MARCHF1: variants seen among roughly 807,000 people sequenced by gnomAD.
MARCHF1 encodes E3 ubiquitin-protein ligase MARCHF1.
MARCHF1 carries 40 observed loss-of-function variants against 54.2 expected under a neutral mutation model. That is an observed-to-expected ratio of 0.74 (90% CI 0.57 to 0.96). The LOEUF is 0.96. Among genes scored for constraint, MARCHF1 ranks in the 40% least tolerant of loss-of-function variants. The probability of loss-of-function intolerance (pLI) is 0.00; values close to 1 mark genes in which losing one functional copy is unlikely to be tolerated. For synonymous variants in MARCHF1, 236 were observed against 236.3 expected, an observed-to-expected ratio of 1.00 and a Z score of 0.01; for missense variants, 586 against 656.5, an observed-to-expected ratio of 0.89 and a Z score of 1.17.
At chr4:163,768,604 T>G (rs940242369) in intron 4 of MARCHF1, among the ~76,000 whole-genome samples, 3 of 152,314 alleles carry the variant, frequency 2.0e-5, no homozygotes, top group Admixed American at 6.5e-5. Context: ...TTCTGATTTT[T>G]TTTATTAGGA....
At chr4:163,905,500 T>C (rs2111319731) in intron 3 of MARCHF1, among the ~76,000 whole-genome samples, 1 of 152,220 alleles carries the variant, frequency 6.6e-6, no homozygotes, top group African/African-American at 2.4e-5. Flanking sequence ...TTTTCAAGGA[T>C]ATATATCTTA....
At chr4:164,375,818 A>G (rs1731174702) in intron 1 of MARCHF1, among the ~76,000 whole-genome samples, 1 of 152,130 alleles carries the variant, frequency 6.6e-6, no homozygotes, top group Non-Finnish European at 1.5e-5. Context: ...CAACAGTAGG[A>G]CCTTGAGCAC....
intron 1 of MARCHF1, among the ~76,000 whole-genome samples, chr4:164,371,358 A>G (rs1021389780): frequency 6.6e-6 from 1 of 152,208 alleles, no homozygotes; most frequent in African/African-American, 2.4e-5. Flanking sequence ...TACTACTTAA[A>G]CAAGAAATAC....
intron 7 of MARCHF1, among the ~76,000 whole-genome samples, chr4:163,608,292 A>C (rs1741209862): frequency 6.6e-6 from 1 of 152,092 alleles, no homozygotes; most frequent in African/African-American, 2.4e-5. Context: ...CGTCTGGAGA[A>C]GATCCAAGGA....
At chr4:164,106,781 A>AT (rs1755713955) in intron 2 of MARCHF1, among the ~76,000 whole-genome samples, 2 of 146,508 alleles carry the variant, frequency 1.4e-5, no homozygotes, top group Admixed American at 6.9e-5. Context: ...ATAAAAAATA[A>AT]AAAAAAAAAA....
intron 1 of MARCHF1, among the ~76,000 whole-genome samples, chr4:164,373,445 C>T (rs1188828659): frequency 1.4e-5 from 2 of 147,008 alleles, no homozygotes; most frequent in East Asian, 4.1e-4. Context: ...ATCTCCACCT[C>T]CCAGGTTCAA....
intron 9 of MARCHF1, among the ~76,000 whole-genome samples, chr4:163,531,649 CTTT>C (rs1247641812): frequency 6.6e-6 from 1 of 151,664 alleles, no homozygotes; most frequent in Non-Finnish European, 1.5e-5. Flanking sequence ...ATAAAACTAT[CTTT>C]GTTCACAAAT....
chr4:163,681,416 T>C lies in MARCHF1; in HGVS notation c.162+19397A>G, dbSNP rs193297598. On this transcript the variant is annotated intron_variant, in intron 5 of 9. Coordinates refer to ENST00000514618, the MANE Select transcript of MARCHF1 (RefSeq NM_001394959.1). ...GTAGTATACTGCCCCCTAGGGGTGATAGTCACATCATAGGCTGATATAGTT... is the reference window on the plus strand; with the variant it reads ...GTAGTATACTGCCCCCTAGGGGTGACAGTCACATCATAGGCTGATATAGTT... 2.0e-3 allele frequency among the ~76,000 whole-genome samples: 297 copies of C among 152,216 alleles called. 1 individual carries two copies. Among genetic ancestry groups the C allele is most frequent in the African/African-American group, 6.7e-3 (279 of 41,526 alleles).
chr4:163,563,512 C>A (rs1178210882), intron 8 of MARCHF1, among the ~76,000 whole-genome samples: 1 of 152,172 alleles, frequency 6.6e-6, no homozygotes, highest in Non-Finnish European at 1.5e-5. Flanking sequence ...TTCTAATACA[C>A]CCAGGCAGAA....
intron 3 of MARCHF1, among the ~76,000 whole-genome samples, chr4:163,856,681 C>A (rs1749774546): frequency 1.3e-5 from 2 of 152,142 alleles, no homozygotes; most frequent in African/African-American, 4.8e-5. Flanking sequence ...ATGTTAGAAT[C>A]ACAGCATCAT....
intron 5 of MARCHF1, among the ~76,000 whole-genome samples, chr4:163,643,446 C>T (rs1188486967): frequency 6.6e-6 from 1 of 152,128 alleles, no homozygotes; most frequent in African/African-American, 2.4e-5. Flanking sequence ...AAACTCCTGG[C>T]TTCAAGTGAT....
chr4:163,594,759 A>ACACACACACACACACAC (rs1560962635), intron 7 of MARCHF1, among the ~76,000 whole-genome samples: 59 of 65,692 alleles, frequency 9.0e-4, no homozygotes, highest in African/African-American at 2.3e-3. Context: ...TCAAAACACA[A>ACACACACACACACACAC]ACACACACAC....
intron 1 of MARCHF1, among the ~76,000 whole-genome samples, chr4:164,151,055 A>G (rs1355330324): frequency 6.6e-6 from 1 of 152,188 alleles, no homozygotes; most frequent in Admixed American, 6.5e-5. Context: ...AAACTGGAAA[A>G]GGAAAGGAGA....
intron 5 of MARCHF1, among the ~76,000 whole-genome samples, chr4:163,621,662 T>C (rs1003784318): frequency 2.6e-5 from 4 of 152,124 alleles, no homozygotes; most frequent in Non-Finnish European, 2.9e-5. Context: ...AGACAGAAGG[T>C]ACGACTGAAG....
chr4:163,981,728 T>C (rs1324832095), intron 3 of MARCHF1, among the ~76,000 whole-genome samples: 2 of 152,214 alleles, frequency 1.3e-5, no homozygotes, highest in Non-Finnish European at 2.9e-5. Context: ...AGTTAAATGT[T>C]GGCTAATCAG....
chr4:164,202,270 G>A lies in MARCHF1; in HGVS notation c.-322-90608C>T, dbSNP rs111466562. Reference sequence around the variant, plus strand: ...TTGTCTAAGCTAAGGAGATGGTGGAGGGAGAGTTCCAGTCAGAGGACATAA... The same window carrying A: ...TTGTCTAAGCTAAGGAGATGGTGGAAGGAGAGTTCCAGTCAGAGGACATAA... On this transcript the variant is annotated intron_variant, in intron 1 of 9. Coordinates refer to ENST00000514618, the MANE Select transcript of MARCHF1 (RefSeq NM_001394959.1). Among the ~76,000 whole-genome samples the A allele has an allele frequency of 4.9e-3, 751 of 152,296 alleles. 6 individuals are homozygous for A. The highest frequency in any genetic ancestry group is 0.013 in the African/African-American group (530 of 41,544).
At chr4:163,535,682 C>T (rs966423992) in intron 9 of MARCHF1, among the ~76,000 whole-genome samples, 5 of 151,654 alleles carry the variant, frequency 3.3e-5, no homozygotes, top group South Asian at 4.2e-4. Flanking sequence ...TGGCATCAAA[C>T]GGTAGTTAGT....
chr4:163,946,561 T>A (rs1462396100), intron 3 of MARCHF1, among the ~76,000 whole-genome samples: 1 of 152,194 alleles, frequency 6.6e-6, no homozygotes, highest in Non-Finnish European at 1.5e-5. Context: ...GACAGTTATT[T>A]TCATCTCCCA....
intron 3 of MARCHF1, among the ~76,000 whole-genome samples, chr4:163,936,926 T>C (rs1187662383): frequency 1.3e-5 from 2 of 152,186 alleles, no homozygotes; most frequent in African/African-American, 2.4e-5. Flanking sequence ...TTGGTGGTCA[T>C]GTATACGTAC....
Sources: allele counts gnomAD v4.1 joint callset (sites outside exome capture counted in the v4.1 genomes callset), GRCh38; gene constraint gnomAD v4.1.1; transcripts MANE v1.5; gene names NCBI Gene and HGNC (gene_info 2026-07-23, HGNC 2026-07-21).